The following MORC3 variants were observed in gnomAD, a reference collection of about 807,000 sequenced individuals.
MORC3 encodes MORC family CW-type zinc finger protein 3.
In MORC3, 31 loss-of-function variants were observed where a neutral mutation model predicts 109.1. The ratio of observed to expected loss-of-function variants is 0.28; its 90% CI spans 0.21 to 0.38. MORC3 has a LOEUF of 0.38. Among genes scored for constraint, MORC3 ranks in the 10% least tolerant of loss-of-function variants. The pLI is 1.00. For missense variants in MORC3, 867 were observed against 1,135.8 expected (o/e 0.76, Z 3.40); for synonymous variants, 395 against 380.7 (o/e 1.04, Z -0.44).
chr21:36,338,967 G>C lies in MORC3; in HGVS notation c.608+46G>C, dbSNP rs768407820. On this transcript the variant is annotated intron_variant, in intron 5 of 16. Coordinates refer to ENST00000400485, the MANE Select transcript of MORC3 (RefSeq NM_015358.3). ...TGACCGTTTGGGAAGTAAAGTGCACGTGCAGGGTGGTGGTGTTATATTCAT... is the reference window on the plus strand; with the variant it reads ...TGACCGTTTGGGAAGTAAAGTGCACCTGCAGGGTGGTGGTGTTATATTCAT... 8.8e-6 allele frequency: 14 copies of C among 1,590,896 alleles called. No individual in the cohort carries two copies. In the South Asian group the frequency reaches 1.4e-4, roughly 16 times the overall value.
rs2085338582 is a variant in MORC3, at chr21:36,333,531, A to C, written c.40-115A>C. The C allele has an allele frequency of 3.9e-6, 3 of 769,848 alleles. No individual in the cohort carries two copies. In the Admixed American group the frequency reaches 6.6e-5, roughly 17 times the overall value. The allele number at this position is 769,848 out of a possible 1,614,324, so 47.7% of individuals were successfully genotyped here. A position where few individuals can be genotyped will look rare whatever the true frequency, so the allele number is the denominator to read the frequency against. ...CTTCCAGATGTATCCTGGAGCAAGCAGCTAAGTCACTTTTGTTTGGTCTCA... is the reference window on the plus strand; with the variant it reads ...CTTCCAGATGTATCCTGGAGCAAGCCGCTAAGTCACTTTTGTTTGGTCTCA... On this transcript the variant is annotated intron_variant, in intron 1 of 16. Coordinates refer to ENST00000400485, the MANE Select transcript of MORC3 (RefSeq NM_015358.3).
chr21:36,339,651 C>G (rs560936559), intron 5 of MORC3: 8 of 152,100 alleles, frequency 5.3e-5, no homozygotes, highest in African/African-American at 1.9e-4. Flanking sequence ...TTTTGTGTTG[C>G]TAAAATTTAT....
intron 10 of MORC3, 35 bp downstream of exon 10, chr21:36,356,759 G>C (rs1179078980): frequency 7.6e-7 from 1 of 1,308,954 alleles, no homozygotes; most frequent in African/African-American, 1.5e-5. Context: ...ATTTCACTTA[G>C]ATATCAAGAT....
rs529284735 is a variant in MORC3 at position 36,376,620 on chromosome 21, A to G, written c.*1324A>G. 1 of 152,342 alleles carries G rather than the reference A, an allele frequency of 6.6e-6. No homozygotes were observed. Among genetic ancestry groups the G allele is most frequent in the African/African-American group, 2.4e-5 (1 of 41,592 alleles). 9.4% of individuals were successfully genotyped at this position (152,342 alleles called of 1,614,324 possible). A position where few individuals can be genotyped will look rare whatever the true frequency, so the allele number is the denominator to read the frequency against. Reference sequence around the variant, plus strand: ...AAATATCTTATAATAAAATAAAAATATATGATGGCTAACTGTTCAAATGCT... The same window carrying G: ...AAATATCTTATAATAAAATAAAAATGTATGATGGCTAACTGTTCAAATGCT... On this transcript the variant is annotated 3_prime_UTR_variant, in exon 17 of 17. Coordinates refer to ENST00000400485, the MANE Select transcript of MORC3 (RefSeq NM_015358.3).
chr21:36,349,803 A>G (rs2085550651), intron 9 of MORC3, among the ~76,000 whole-genome samples: 1 of 152,208 alleles, frequency 6.6e-6, no homozygotes, highest in African/African-American at 2.4e-5. Flanking sequence ...TCTGGTTGAC[A>G]TAGGGTGTGT....
In MORC3 at chr21:36,364,137, A is replaced by G. The variant is rs772281126; in HGVS notation, c.1497A>G (p.Pro499=). 4 of 1,614,128 alleles carry G rather than the reference A, an allele frequency of 2.5e-6. No homozygotes were observed. The South Asian group carries it at 3.3e-5, about 13-fold the overall frequency. The change falls in exon 14 of 17, where the codon CCA becomes CCG. Residue 499 remains proline, a synonymous_variant. Coordinates refer to ENST00000400485, the MANE Select transcript of MORC3 (RefSeq NM_015358.3). ...LLFRPTALST[P]SFSSPKESVP... is the part of the protein sequence containing the mutation. Reference sequence around the variant, plus strand: ...TTCGGCCAACTGCTCTTTCAACTCCAAGCTTTTCTTCTCCTAAGGAAAGTG... The same window carrying G: ...TTCGGCCAACTGCTCTTTCAACTCCGAGCTTTTCTTCTCCTAAGGAAAGTG...
chr21:36,369,930 A>G, intron 15 of MORC3, 54 bp downstream of exon 15: 1 of 1,566,244 alleles, frequency 6.4e-7, no homozygotes, highest in Non-Finnish European at 8.6e-7. Context: ...TTTAAACCTT[A>G]AGAAGCTGCC....
chr21:36,330,250 A>C (rs1328436867), intron 1 of MORC3, among the ~76,000 whole-genome samples: 1 of 151,950 alleles, frequency 6.6e-6, no homozygotes, highest in African/African-American at 2.4e-5. Flanking sequence ...TTTCAGTCTC[A>C]TAAGAAAACA....
At position 36,337,947 on chromosome 21, in the gene MORC3, A is replaced by G; in HGVS notation, c.460+1A>G. The G allele has an allele frequency of 6.2e-7, 1 of 1,612,992 alleles. No individual in the cohort carries two copies. The highest frequency in any genetic ancestry group is 8.5e-7 in the Non-Finnish European group (1 of 1,179,586). On this transcript the variant is annotated splice_donor_variant, in intron 4 of 16. Coordinates refer to ENST00000400485, the MANE Select transcript of MORC3 (RefSeq NM_015358.3). LOFTEE classifies it high-confidence loss of function. ...CCAATAGTGGCATTCAACAAGCACC[A>G]TATCCTTTTGGTTGTGAAATAAAAG...
intron 13 of MORC3, 87 bp from the exon 14 acceptor site, chr21:36,364,006 A>G: frequency 2.2e-6 from 3 of 1,380,098 alleles, no homozygotes; most frequent in Non-Finnish European, 3.0e-6. Context: ...TTCTGGGATA[A>G]GGGGGAAGAG....
intron 6 of MORC3, 56 bp from the exon 7 acceptor site, chr21:36,344,523 C>G: frequency 1.3e-6 from 2 of 1,562,128 alleles, no homozygotes; most frequent in Non-Finnish European, 8.7e-7. Context: ...AAATCCATGT[C>G]TAAGTAATGG....
intron 13 of MORC3, among the ~76,000 whole-genome samples, chr21:36,363,423 AAAAAC>A (rs2085742753): frequency 6.6e-6 from 1 of 152,176 alleles, no homozygotes; most frequent in Non-Finnish European, 1.5e-5. Context: ...CAAAAAAACA[AAAAAC>A]AAACAAAATA....
At chr21:36,335,697 A>T (rs1262350719) in intron 2 of MORC3, among the ~76,000 whole-genome samples, 2 of 152,196 alleles carry the variant, frequency 1.3e-5, no homozygotes, top group Non-Finnish European at 2.9e-5. Flanking sequence ...TTAAATGGAG[A>T]AGTATACAGA....
chr21:36,338,170 T>TC (rs1377480039), intron 4 of MORC3, among the ~76,000 whole-genome samples: 2 of 152,170 alleles, frequency 1.3e-5, no homozygotes, highest in African/African-American at 4.8e-5. Flanking sequence ...ATGTTAAACT[T>TC]CCCATAGCTC....
At chr21:36,364,868 A>G (rs1025653314) in intron 14 of MORC3, among the ~76,000 whole-genome samples, 2 of 152,078 alleles carry the variant, frequency 1.3e-5, no homozygotes, top group East Asian at 1.9e-4. Flanking sequence ...CCTGGCCAAC[A>G]TGGTGAAACC....
intron 9 of MORC3, among the ~76,000 whole-genome samples, chr21:36,351,252 A>G (rs218622): frequency 0.051 from 7,744 of 151,706 alleles, 280 homozygotes; most frequent in Non-Finnish European, 0.08. Context: ...TATTTTTGGT[A>G]GAGATGGGGT....
chr21:36,353,755 A>ATTTTTTTATTTTTTTTTTT (rs2085605285), intron 9 of MORC3, among the ~76,000 whole-genome samples: 1 of 71,012 alleles, frequency 1.4e-5, no homozygotes, highest in African/African-American at 6.7e-5. Flanking sequence ...TAATTTTTGT[A>ATTTTTTTATTTTTTTTTTT]TTTTTTTTTT....
intron 8 of MORC3, among the ~76,000 whole-genome samples, chr21:36,346,899 G>A (rs972312677): frequency 6.6e-6 from 1 of 150,958 alleles, no homozygotes; most frequent in Non-Finnish European, 1.5e-5. Flanking sequence ...TTAGTTATTT[G>A]GGAGGCTGAG....
chr21:36,353,471 C>T (rs2085599453), intron 9 of MORC3, among the ~76,000 whole-genome samples: 1 of 151,718 alleles, frequency 6.6e-6, no homozygotes, highest in Admixed American at 6.6e-5. Flanking sequence ...GCCACTAGAC[C>T]ACCAGGGAAC....
Sources: allele counts gnomAD v4.1 joint callset (sites outside exome capture counted in the v4.1 genomes callset), GRCh38; gene constraint gnomAD v4.1.1; transcripts MANE v1.5; gene names NCBI Gene and HGNC (gene_info 2026-07-23, HGNC 2026-07-21).